The following DOCK3 variants were observed in gnomAD, a reference collection of about 807,000 sequenced individuals.
DOCK3 encodes dedicator of cytokinesis 3.
DOCK3 carries 60 observed loss-of-function variants against 265.6 expected under a neutral mutation model. The ratio of observed to expected loss-of-function variants is 0.23; its 90% CI spans 0.18 to 0.28. The LOEUF (loss-of-function observed/expected upper bound fraction) is 0.28, where lower values mean the gene tolerates loss of function less well. Among genes scored for constraint, DOCK3 ranks in the 10% least tolerant of loss-of-function variants. The pLI, the probability that DOCK3 is intolerant of heterozygous loss-of-function variation, is 1.00. For synonymous variants in DOCK3, 881 were observed against 938.0 expected, an observed-to-expected ratio of 0.94 and a Z score of 1.11; for missense variants, 1,981 against 2,594.3, an observed-to-expected ratio of 0.76 and a Z score of 5.14.
At chr3:51,209,122 T>C (rs2089375632) in intron 13 of DOCK3, among the ~76,000 whole-genome samples, 1 of 152,292 alleles carries the variant, frequency 6.6e-6, no homozygotes, top group African/African-American at 2.4e-5. Flanking sequence ...AAATCCAGAG[T>C]GAGCAAAAAT....
chr3:50,986,744 A>G (rs2077917221), intron 5 of DOCK3, among the ~76,000 whole-genome samples: 1 of 152,200 alleles, frequency 6.6e-6, no homozygotes, highest in Non-Finnish European at 1.5e-5. Context: ...AGACAGATTA[A>G]ATTACCTAGT....
At chr3:50,811,708 G>A (rs1218794566) in intron 2 of DOCK3, among the ~76,000 whole-genome samples, 2 of 151,688 alleles carry the variant, frequency 1.3e-5, no homozygotes, top group Non-Finnish European at 2.9e-5. Context: ...AATCATTAGG[G>A]GGTTATTACA....
At position 50,675,396 on chromosome 3, in the gene DOCK3, G is replaced by T; in HGVS notation, c.37+96G>T. On this transcript the variant is annotated intron_variant, in intron 1 of 52. Coordinates refer to ENST00000266037, the MANE Select transcript of DOCK3 (RefSeq NM_004947.5). The surrounding 1 kb of genome is among the most constrained non-coding windows in gnomAD (Gnocchi z 6.1). Reference sequence around the variant, plus strand: ...TTCGCATCCTCGTGCCCCCGCCACTGCCCGCAGGCTGCGCGGCCTCGGCGC... The same window carrying T: ...TTCGCATCCTCGTGCCCCCGCCACTTCCCGCAGGCTGCGCGGCCTCGGCGC... The T allele has an allele frequency of 1.9e-6, 2 of 1,075,462 alleles. No homozygotes were observed. The highest frequency in any genetic ancestry group is 1.7e-5 in the African/African-American group (1 of 59,260). 66.6% of individuals were successfully genotyped at this position (1,075,462 alleles called of 1,614,324 possible).
At chr3:50,883,324 A>G (rs1678603063) in intron 3 of DOCK3, among the ~76,000 whole-genome samples, 1 of 152,108 alleles carries the variant, frequency 6.6e-6, no homozygotes, top group African/African-American at 2.4e-5. Context: ...GCACAAGGAG[A>G]AGTTTTTTCT....
chr3:51,243,506 A>T (rs113672246), intron 21 of DOCK3, among the ~76,000 whole-genome samples: 12 of 152,018 alleles, frequency 7.9e-5, no homozygotes, highest in African/African-American at 2.9e-4. Context: ...TTCCCTAATT[A>T]TCTTCCTTTG....
chr3:51,201,417 A>G (rs1397505526), intron 12 of DOCK3, among the ~76,000 whole-genome samples: 1 of 152,240 alleles, frequency 6.6e-6, no homozygotes, highest in Non-Finnish European at 1.5e-5. Flanking sequence ...AAAGATCAAA[A>G]GAGACAAGGC....
intron 27 of DOCK3, among the ~76,000 whole-genome samples, chr3:51,300,062 ATTTG>A (rs2082293735): frequency 6.6e-6 from 1 of 152,020 alleles, no homozygotes; most frequent in Admixed American, 6.6e-5. Context: ...ATGTTTTTCC[ATTTG>A]TTTGTGTCCT....
At chr3:50,730,464 A>G (rs139957066) in intron 1 of DOCK3, among the ~76,000 whole-genome samples, 32 of 152,332 alleles carry the variant, frequency 2.1e-4, no homozygotes, top group African/African-American at 7.5e-4. Context: ...TTCAGAAAGC[A>G]ACAGAGGACG....
intron 2 of DOCK3, among the ~76,000 whole-genome samples, chr3:50,828,596 G>A (rs1261855902): frequency 6.6e-6 from 1 of 151,658 alleles, no homozygotes; most frequent in Non-Finnish European, 1.5e-5. Context: ...GTAGAGATGG[G>A]GTTTCACCAC....
chr3:51,188,387 A>T (rs536747889), intron 12 of DOCK3, among the ~76,000 whole-genome samples: 121 of 152,336 alleles, frequency 7.9e-4, no homozygotes, highest in African/African-American at 2.8e-3. Flanking sequence ...TTATTTCTAC[A>T]AATGTATGAG....
chr3:51,313,613 T>C (rs1333955014), intron 31 of DOCK3, among the ~76,000 whole-genome samples: 2 of 152,208 alleles, frequency 1.3e-5, no homozygotes, highest in African/African-American at 4.8e-5. Context: ...AGAACTATTA[T>C]TATTTCAAGT....
intron 2 of DOCK3, among the ~76,000 whole-genome samples, chr3:50,819,519 A>C (rs2044281964): frequency 6.6e-6 from 1 of 152,224 alleles, no homozygotes. Flanking sequence ...ATGGTGGCTA[A>C]CACCTTAATC....
intron 1 of DOCK3, among the ~76,000 whole-genome samples, chr3:50,752,816 T>G (rs909003333): frequency 2.0e-5 from 3 of 152,214 alleles, no homozygotes; most frequent in Non-Finnish European, 4.4e-5. Flanking sequence ...GACTGTTAAG[T>G]GGAGGCAGTC....
intron 5 of DOCK3, among the ~76,000 whole-genome samples, chr3:51,017,974 C>T (rs2079423635): frequency 6.6e-6 from 1 of 151,644 alleles, no homozygotes. Context: ...CTCACTGTAA[C>T]CTCTGCCTCC....
At chr3:50,909,651 T>TG (rs1327896340) in intron 4 of DOCK3, among the ~76,000 whole-genome samples, 1 of 150,740 alleles carries the variant, frequency 6.6e-6, no homozygotes, top group Non-Finnish European at 1.5e-5. Context: ...GTTTTTTTTT[T>TG]TTTTTTTTTC....
At chr3:50,770,236 T>C (rs1311685545) in intron 1 of DOCK3, among the ~76,000 whole-genome samples, 2 of 152,112 alleles carry the variant, frequency 1.3e-5, no homozygotes, top group African/African-American at 2.4e-5. Flanking sequence ...CAATTAGAAC[T>C]GATAAATTCG....
intron 1 of DOCK3, chr3:50,685,637 C>A: frequency 5.6e-6 from 1 of 177,242 alleles, no homozygotes. Flanking sequence ...TGTTAAGTCA[C>A]CACTCTGACA....
chr3:51,020,204 G>A (rs2079524770), intron 5 of DOCK3, among the ~76,000 whole-genome samples: 1 of 151,676 alleles, frequency 6.6e-6, no homozygotes, highest in African/African-American at 2.4e-5. Flanking sequence ...GTTTTGATTT[G>A]CATTTCTCTA....
At chr3:50,981,752 T>C (rs2077699273) in intron 5 of DOCK3, among the ~76,000 whole-genome samples, 1 of 152,248 alleles carries the variant, frequency 6.6e-6, no homozygotes, top group Admixed American at 6.5e-5. Flanking sequence ...TTTGATATAA[T>C]GTAAGTATAG....
Sources: allele counts gnomAD v4.1 joint callset (sites outside exome capture counted in the v4.1 genomes callset), GRCh38; gene constraint gnomAD v4.1.1; non-coding constraint Gnocchi (gnomAD v3.1); transcripts MANE v1.5; gene names NCBI Gene and HGNC (gene_info 2026-07-23, HGNC 2026-07-21).